The following RCOR3 variants were observed in gnomAD, a reference collection of about 807,000 sequenced individuals.
RCOR3 encodes the protein REST corepressor 3.
In RCOR3, 13 loss-of-function variants were observed where a neutral mutation model predicts 64.1. The observed-to-expected ratio is 0.20, with a 90% CI of 0.13 to 0.32. RCOR3 has a LOEUF of 0.32. Ranked by LOEUF, RCOR3 falls within the 10% of genes least tolerant of loss-of-function variation. The probability of loss-of-function intolerance (pLI) is 1.00; values close to 1 mark genes in which losing one functional copy is unlikely to be tolerated. For missense variants in RCOR3, 489 were observed against 701.2 expected (o/e 0.70, Z 3.42); for synonymous variants, 215 against 239.0 (o/e 0.90, Z 0.93).
At chr1:211,300,909 C>T (rs1216210585) in intron 9 of RCOR3, among the ~76,000 whole-genome samples, 1 of 60,496 alleles carries the variant, frequency 1.7e-5, no homozygotes, top group South Asian at 5.5e-4. Context: ...AGTGTGTATG[C>T]GTGCGTGCGT....
At position 211,289,363 on chromosome 1, in the gene RCOR3, A is replaced by C; in HGVS notation, c.906A>C (p.Gln302His). The change falls in exon 8 of 12, where the codon CAA becomes CAC. Residue 302 changes from glutamine (Q) to histidine (H), a missense_variant. Gln to His is a conservative substitution (Grantham distance 24). Transcript: ENST00000419091. ...ATGCAGCCAACACCATCCTGAGGCA[A>C]CTGGACATGGAGTTGATCTCTCTAA... Reference protein sequence around the residue: ...SPNAANTILRQLDMELISLKR... With the variant: ...SPNAANTILRHLDMELISLKR... The C allele has an allele frequency of 6.2e-7, 1 of 1,614,116 alleles. No homozygotes were observed. Among genetic ancestry groups the C allele is most frequent in the Non-Finnish European group, 8.5e-7 (1 of 1,179,972 alleles).
At chr1:211,271,868 C>T (rs982940374) in intron 3 of RCOR3, 4 of 171,532 alleles carry the variant, frequency 2.3e-5, no homozygotes, top group East Asian at 1.4e-4. Context: ...ATATAGGAAA[C>T]GTGCAGGTAA....
chr1:211,313,040 T>G lies in RCOR3; in HGVS notation c.1317+79T>G. On this transcript the variant is annotated intron_variant, in intron 11 of 11. Coordinates refer to ENST00000419091, the MANE Select transcript of RCOR3 (RefSeq NM_001136223.3). The surrounding 1 kb of genome is among the most constrained non-coding windows in gnomAD (Gnocchi z 4.7). The stretch of plus-strand genomic sequence containing the variant: ...TGTGGTATTCTGTAAGGTTAATTTG[T>G]CAAGAGGACTAGCTAAATTGAGCAT... 6.2e-7 allele frequency: 1 copy of G among 1,600,448 alleles called. No individual in the cohort carries two copies. The highest frequency in any genetic ancestry group is 8.5e-7 in the Non-Finnish European group (1 of 1,172,316).
At chr1:211,279,907 C>G (rs920397002) in intron 7 of RCOR3, among the ~76,000 whole-genome samples, 3 of 152,118 alleles carry the variant, frequency 2.0e-5, no homozygotes, top group Non-Finnish European at 4.4e-5. Context: ...TTGCTATTCA[C>G]GGTCTAAGAG....
In RCOR3 at chr1:211,314,127, C is replaced by T. The variant is rs1347573018; in HGVS notation, c.*359C>T. ...TTCCTGCCTCTTCATAGTCAAGGCT[C>T]TTAGTACAGGAATATTGACTTAGGA... On this transcript the variant is annotated 3_prime_UTR_variant, in exon 12 of 12. Transcript: ENST00000419091. 2 of 180,394 alleles carry T rather than the reference C, an allele frequency of 1.1e-5. No individual in the cohort carries two copies. Among genetic ancestry groups the T allele is most frequent in the Admixed American group, 5.6e-5 (1 of 17,862 alleles). The allele number at this position is 180,394 out of a possible 1,614,324, so 11.2% of individuals were successfully genotyped here.
chr1:211,304,173 T>C (rs1700644983), intron 10 of RCOR3, 33 bp downstream of exon 10: 1 of 1,473,682 alleles, frequency 6.8e-7, no homozygotes, highest in Non-Finnish European at 9.2e-7. Flanking sequence ...TTGTTGTTAA[T>C]AATTATTTAA....
At chr1:211,260,447 G>A (rs1422477780) in intron 2 of RCOR3, among the ~76,000 whole-genome samples, 2 of 152,260 alleles carry the variant, frequency 1.3e-5, no homozygotes, top group East Asian at 3.9e-4. Flanking sequence ...GTGAGCAGAG[G>A]GAGACGGCCC....
At chr1:211,295,430 T>C (rs1179101166) in intron 8 of RCOR3, among the ~76,000 whole-genome samples, 1 of 152,202 alleles carries the variant, frequency 6.6e-6, no homozygotes, top group African/African-American at 2.4e-5. Flanking sequence ...AAGTTGTTGC[T>C]AAAAGATATT....
intron 10 of RCOR3, among the ~76,000 whole-genome samples, chr1:211,308,687 T>TTTTTTTTTTTTTTTTTTG (rs1701159946): frequency 4.6e-5 from 3 of 64,802 alleles, no homozygotes; most frequent in Admixed American, 2.1e-4. Flanking sequence ...TTTTTTTGTT[T>TTTTTTTTTTTTTTTTTTG]TTTTTTTTTT....
At chr1:211,288,541 A>G (rs994318444) in intron 7 of RCOR3, among the ~76,000 whole-genome samples, 1 of 146,800 alleles carries the variant, frequency 6.8e-6, no homozygotes, top group Non-Finnish European at 1.5e-5. Context: ...TAAATTATAA[A>G]ATTATTTATA....
chr1:211,314,528 A>C lies in RCOR3; in HGVS notation c.*760A>C, dbSNP rs559745997. Reference sequence around the variant, plus strand: ...TGTCAGTAATGAGAGGATTGGAAGAATAATTTTGCATACAAATGAGGACTT... The same window carrying C: ...TGTCAGTAATGAGAGGATTGGAAGACTAATTTTGCATACAAATGAGGACTT... On this transcript the variant is annotated 3_prime_UTR_variant, in exon 12 of 12. Transcript: ENST00000419091. 1 of 152,314 alleles carries C rather than the reference A, an allele frequency of 6.6e-6. No individual in the cohort carries two copies. The highest frequency in any genetic ancestry group is 1.9e-4 in the East Asian group (1 of 5,192). The allele number at this position is 152,314 out of a possible 1,614,324, so 9.4% of individuals were successfully genotyped here.
At position 211,316,286 on chromosome 1, in the gene RCOR3, T is replaced by C. The variant is rs1435769529; in HGVS notation, c.*2518T>C. 6.6e-6 allele frequency: 1 copy of C among 152,196 alleles called. No homozygotes were observed. Among genetic ancestry groups the C allele is most frequent in the Non-Finnish European group, 1.5e-5 (1 of 68,028 alleles). The allele number at this position is 152,196 out of a possible 1,614,324, so 9.4% of individuals were successfully genotyped here. Reference sequence around the variant, plus strand: ...TATATGATTTAATTCTAGTGTAATATGGATGAGGTAAGAGTAAGTTATGAT... The same window carrying C: ...TATATGATTTAATTCTAGTGTAATACGGATGAGGTAAGAGTAAGTTATGAT... On this transcript the variant is annotated 3_prime_UTR_variant, in exon 12 of 12. Coordinates refer to ENST00000419091, the MANE Select transcript of RCOR3 (RefSeq NM_001136223.3).
intron 2 of RCOR3, among the ~76,000 whole-genome samples, chr1:211,263,970 A>G (rs1694788787): frequency 6.6e-6 from 1 of 152,048 alleles, no homozygotes; most frequent in Admixed American, 6.6e-5. Flanking sequence ...GGCACATGCC[A>G]CCATACCCGG....
chr1:211,312,742 T>C lies in RCOR3; in HGVS notation c.1098T>C (p.Asp366=). The part of the protein sequence containing the change: ...AVQGVRKYGK[D]FQAIADVIGN... ...CAGGTGTCCGCAAATATGGTAAAGA[T>C]TTTCAAGCTATTGCAGATGTAATTG... Residue 366 remains aspartate, a synonymous_variant, in exon 11 of 12, where the codon GAT becomes GAC. Coordinates refer to ENST00000419091, the MANE Select transcript of RCOR3 (RefSeq NM_001136223.3). The surrounding 1 kb of genome is among the most constrained non-coding windows in gnomAD (Gnocchi z 5.0). 6.2e-7 allele frequency: 1 copy of C among 1,614,136 alleles called. No individual in the cohort carries two copies. Among genetic ancestry groups the C allele is most frequent in the East Asian group, 2.2e-5 (1 of 44,888 alleles).
rs115647766 is a variant in RCOR3 at position 211,275,108 on chromosome 1, C to T, written c.354+846C>T. 7.2e-3 allele frequency among the ~76,000 whole-genome samples: 1,090 copies of T among 151,610 alleles called. 12 individuals carry two copies. The highest frequency in any genetic ancestry group is 0.022 in the Middle Eastern group (6 of 272). Reference sequence around the variant, plus strand: ...CTTAGTAATGAGGGAATGGAAATTACAGAATAATGAAATGAAAGAGATCTT... The same window carrying T: ...CTTAGTAATGAGGGAATGGAAATTATAGAATAATGAAATGAAAGAGATCTT... On this transcript the variant is annotated intron_variant, in intron 4 of 11. Transcript: ENST00000419091.
At chr1:211,289,629 T>C (rs185550233) in intron 8 of RCOR3, among the ~76,000 whole-genome samples, 2 of 152,352 alleles carry the variant, frequency 1.3e-5, no homozygotes, top group Admixed American at 1.3e-4. Flanking sequence ...AATTAACCTC[T>C]GTAAGCTTCA....
chr1:211,310,977 A>G (rs1701431703), intron 10 of RCOR3, among the ~76,000 whole-genome samples: 1 of 152,222 alleles, frequency 6.6e-6, no homozygotes, highest in South Asian at 2.1e-4. Context: ...TCTAATTAGT[A>G]GTTATTCTTC....
intron 5 of RCOR3, 147 bp downstream of exon 5, chr1:211,276,565 T>C: frequency 1.5e-6 from 1 of 663,236 alleles, no homozygotes; most frequent in Non-Finnish European, 2.4e-6. Flanking sequence ...TACAATCCTG[T>C]TTTCTGCAAC....
Position 211,289,215 on chromosome 1 carries a change from G to C in RCOR3, c.758G>C (p.Gly253Ala). Residue 253 changes from glycine to alanine, a missense_variant, in exon 8 of 12, where the codon GGA becomes GCA. Physicochemically the swap from Gly to Ala is moderately conservative, Grantham distance 60. Coordinates refer to ENST00000419091, the MANE Select transcript of RCOR3 (RefSeq NM_001136223.3). ...TEQPVQTSKI[G>A]LGRREYQSLQ... ...CAACCTGTCCAAACTAGCAAGATTG[G>C]ACTTGGAAGAAGAGAGTATCAGAGT... The C allele has an allele frequency of 1.9e-6, 3 of 1,614,032 alleles. No homozygotes were observed. The highest frequency in any genetic ancestry group is 2.5e-6 in the Non-Finnish European group (3 of 1,180,018).
Sources: allele counts gnomAD v4.1 joint callset (sites outside exome capture counted in the v4.1 genomes callset), GRCh38; gene constraint gnomAD v4.1.1; non-coding constraint Gnocchi (gnomAD v3.1); transcripts MANE v1.5; gene names NCBI Gene and HGNC (gene_info 2026-07-23, HGNC 2026-07-21).